SPOP: variants seen among roughly 807,000 people sequenced by gnomAD.
The protein encoded by SPOP is speckle-type POZ protein.
SPOP carries 11 observed loss-of-function variants against 45.6 expected under a neutral mutation model. That is an observed-to-expected ratio of 0.24 (90% CI 0.15 to 0.40). The LOEUF is 0.40. Among genes scored for constraint, SPOP ranks in the 10% least tolerant of loss-of-function variants. The pLI is 1.00. For synonymous variants in SPOP, 166 were observed against 166.3 expected (o/e 1.00, Z 0.01); for missense variants, 152 against 465.6 (o/e 0.33, Z 6.20).
rs189877161 is a variant in SPOP at position 49,609,215 on chromosome 17, T to C, written c.659-1286A>G. Among the ~76,000 whole-genome samples the C allele has an allele frequency of 8.5e-5, 13 of 152,326 alleles. No homozygotes were observed. In the East Asian group the frequency reaches 2.5e-3, roughly 29 times the overall value. ...TGAGCCACTGCACCCGGCCTAGCTCTGCCATTTTCTAACCACATATTCTTG... is the reference window on the plus strand; with the variant it reads ...TGAGCCACTGCACCCGGCCTAGCTCCGCCATTTTCTAACCACATATTCTTG... On this transcript the variant is annotated intron_variant, in intron 6 of 9. Transcript: ENST00000504102.
At chr17:49,633,271 G>C (rs1265540174) in intron 1 of SPOP, among the ~76,000 whole-genome samples, 1 of 152,084 alleles carries the variant, frequency 6.6e-6, no homozygotes, top group Non-Finnish European at 1.5e-5. Flanking sequence ...TAGCTAGTAA[G>C]GCTCATCTAG....
In SPOP at chr17:49,624,417, C is replaced by T. The variant is rs553994760; in HGVS notation, c.-66-1541G>A. Among the ~76,000 whole-genome samples the T allele has an allele frequency of 1.5e-4, 23 of 152,122 alleles. No homozygotes were observed. The East Asian group carries it at 4.4e-3, about 29-fold the overall frequency. ...ATTGGTTTGATTATAGTAATCATTT[C>T]ACTATGCATATGCAAATCAAAACAT... On this transcript the variant is annotated intron_variant, in intron 1 of 9. Coordinates refer to ENST00000504102, the MANE Select transcript of SPOP (RefSeq NM_001007228.2).
rs189572688 is a variant in SPOP at position 49,615,117 on chromosome 17, C to T, written c.481-3660G>A. On this transcript the variant is annotated intron_variant, in intron 5 of 9. Coordinates refer to ENST00000504102, the MANE Select transcript of SPOP (RefSeq NM_001007228.2). Reference sequence around the variant, plus strand: ...TGAATGATCCTCCTACCTTGGCCTCCGAAAGTGCTGGGATTACAGGTTATA... The same window carrying T: ...TGAATGATCCTCCTACCTTGGCCTCTGAAAGTGCTGGGATTACAGGTTATA... Among the ~76,000 whole-genome samples the T allele has an allele frequency of 9.5e-4, 145 of 152,216 alleles. 1 individual carries two copies. The East Asian group carries it at 0.018, about 19-fold the overall frequency.
intron 8 of SPOP, among the ~76,000 whole-genome samples, chr17:49,606,474 G>A (rs1320081004): frequency 3.5e-5 from 5 of 141,960 alleles, no homozygotes; most frequent in Admixed American, 7.1e-5. Context: ...TGCCCAGCCT[G>A]TTTTTTCTTG....
intron 1 of SPOP, chr17:49,676,086 A>G (rs2073195163): frequency 6.6e-6 from 1 of 152,204 alleles, no homozygotes; most frequent in Non-Finnish European, 1.5e-5. Context: ...GAAGACGGAC[A>G]CTTACTACAA....
At chr17:49,640,984 T>A (rs1315593608) in intron 1 of SPOP, among the ~76,000 whole-genome samples, 1 of 152,108 alleles carries the variant, frequency 6.6e-6, no homozygotes, top group Non-Finnish European at 1.5e-5. Flanking sequence ...AATTCCTGGC[T>A]GAGCGTGGTG....
rs2143194029 is a variant in SPOP at position 49,611,385 on chromosome 17, G to A, written c.553C>T (p.Arg185Trp). Residue 185 changes from arginine (R) to tryptophan (W), a missense_variant, in exon 6 of 10, where the codon CGG becomes TGG. This residue lies in a region of SPOP where 106 missense variants were observed against 255.2 expected (regional missense o/e 0.42). Transcript: ENST00000504102. ...TMNMVKVPEC[R>W]LADELGGLWE... Reference sequence around the variant, plus strand: ...AGTCCTCCTAACTCATCTGCCAGCCGGCACTCAGGAACCTTTACCATGTTC... The same window carrying A: ...AGTCCTCCTAACTCATCTGCCAGCCAGCACTCAGGAACCTTTACCATGTTC... 1.2e-6 allele frequency: 2 copies of A among 1,614,100 alleles called. No individual in the cohort carries two copies. Among genetic ancestry groups the A allele is most frequent in the South Asian group, 1.1e-5 (1 of 91,080 alleles).
At chr17:49,673,684 C>T (rs2073165943) in intron 1 of SPOP, among the ~76,000 whole-genome samples, 1 of 152,116 alleles carries the variant, frequency 6.6e-6, no homozygotes. Flanking sequence ...AAAAAGGCTC[C>T]AAATGCACTT....
At chr17:49,613,255 T>A (rs375392011) in intron 5 of SPOP, among the ~76,000 whole-genome samples, 7 of 146,876 alleles carry the variant, frequency 4.8e-5, no homozygotes, top group African/African-American at 1.8e-4. Context: ...TTCTCAGTTA[T>A]AGCTCTAAAA....
intron 1 of SPOP, among the ~76,000 whole-genome samples, chr17:49,651,795 G>C (rs137860756): frequency 6.6e-6 from 1 of 152,252 alleles, no homozygotes; most frequent in Admixed American, 6.5e-5. Flanking sequence ...AAGGCAGGCA[G>C]ATCACTTGAG....
chr17:49,609,101 G>GT (rs2071913866), intron 6 of SPOP, among the ~76,000 whole-genome samples: 2 of 152,048 alleles, frequency 1.3e-5, no homozygotes, highest in Admixed American at 1.3e-4. Context: ...TAGAGATGGG[G>GT]TTTTACCATG....
intron 1 of SPOP, among the ~76,000 whole-genome samples, chr17:49,657,992 C>T (rs566571566): frequency 2.6e-5 from 4 of 152,188 alleles, no homozygotes; most frequent in Admixed American, 2.0e-4. Context: ...TGAGCCACTT[C>T]GCCTGGCCAT....
chr17:49,625,948 A>G (rs993337876), intron 1 of SPOP, among the ~76,000 whole-genome samples: 1 of 152,240 alleles, frequency 6.6e-6, no homozygotes, highest in African/African-American at 2.4e-5. Flanking sequence ...TCTGTTAATT[A>G]GGGATGACAG....
At chr17:49,651,455 G>A (rs951711180) in intron 1 of SPOP, among the ~76,000 whole-genome samples, 3 of 152,130 alleles carry the variant, frequency 2.0e-5, no homozygotes, top group Admixed American at 6.5e-5. Flanking sequence ...TTCCTCCTAA[G>A]GATATGGAGT....
At chr17:49,616,341 A>C (rs182300416) in intron 5 of SPOP, among the ~76,000 whole-genome samples, 58 of 152,332 alleles carry the variant, frequency 3.8e-4, no homozygotes, top group African/African-American at 1.3e-3. Flanking sequence ...GATGAGAATG[A>C]GAAGTGCCTC....
At chr17:49,607,786 A>T in intron 7 of SPOP, 88 bp downstream of exon 7, 1 of 1,302,968 alleles carries the variant, frequency 7.7e-7, no homozygotes, top group Non-Finnish European at 1.1e-6. Context: ...GAAAAAAGTA[A>T]TTAGGAAAAT....
intron 1 of SPOP, among the ~76,000 whole-genome samples, chr17:49,641,618 T>C (rs1280820241): frequency 6.6e-6 from 1 of 151,608 alleles, no homozygotes; most frequent in Non-Finnish European, 1.5e-5. Flanking sequence ...GTATGTCAAA[T>C]TAACAAAGTT....
At chr17:49,671,794 T>C (rs1482859174) in intron 1 of SPOP, among the ~76,000 whole-genome samples, 1 of 152,138 alleles carries the variant, frequency 6.6e-6, no homozygotes, top group African/African-American at 2.4e-5. Context: ...TCACTTGAGG[T>C]CAGGAGTTTG....
chr17:49,605,276 T>C (rs1435531231), intron 8 of SPOP, among the ~76,000 whole-genome samples: 1 of 152,206 alleles, frequency 6.6e-6, no homozygotes, highest in Non-Finnish European at 1.5e-5. Flanking sequence ...AAGGTAAAAG[T>C]TGAAAATGCT....
Sources: allele counts gnomAD v4.1 joint callset (sites outside exome capture counted in the v4.1 genomes callset), GRCh38; gene constraint gnomAD v4.1.1; regional missense constraint gnomAD v4.1.1; transcripts MANE v1.5; gene names NCBI Gene and HGNC (gene_info 2026-07-23, HGNC 2026-07-21).